Variants in ZNF28 observed in about 807,000 individuals in gnomAD.
ZNF28 encodes zinc finger protein KOX24.
In ZNF28, 5 loss-of-function variants were observed where a neutral mutation model predicts 7.2. The ratio of observed to expected loss-of-function variants is 0.70; its 90% CI spans 0.36 to 1.46. ZNF28 has a LOEUF of 1.46. Among genes scored for constraint, ZNF28 ranks in the 40% most tolerant of loss-of-function variants. ZNF28 has a pLI of 0.03. For synonymous variants in ZNF28, 288 were observed against 292.4 expected, an observed-to-expected ratio of 0.99 and a Z score of 0.15; for missense variants, 879 against 866.6, an observed-to-expected ratio of 1.01 and a Z score of -0.18.
At chr19:52,819,116 GAA>G (rs1451192649) in intron 1 of ZNF28, among the ~76,000 whole-genome samples, 1 of 139,496 alleles carries the variant, frequency 7.2e-6, no homozygotes, top group Non-Finnish European at 1.5e-5. Flanking sequence ...TTTGATGTTT[GAA>G]AAAAGAGAAA....
intron 2 of ZNF28, chr19:52,810,253 G>A: frequency 7.7e-7 from 1 of 1,298,884 alleles, no homozygotes; most frequent in Non-Finnish European, 1.1e-6. Context: ...CTACCTCCAG[G>A]CAATGCTGGC....
chr19:52,807,348 A>C (rs1448569837), intron 3 of ZNF28, among the ~76,000 whole-genome samples: 2 of 152,222 alleles, frequency 1.3e-5, no homozygotes, highest in Admixed American at 6.5e-5. Flanking sequence ...CCTCATTCTG[A>C]ATGCTTGGGG....
In ZNF28 at chr19:52,798,778, C is replaced by T; in HGVS notation, c.*910G>A. ...CACATTTATTACACTTGTAAGATCT[C>T]TCATTATGGATTCTCCAATGATTTG... On this transcript the variant is annotated 3_prime_UTR_variant, in exon 4 of 4. Coordinates refer to ENST00000457749, the MANE Select transcript of ZNF28 (RefSeq NM_006969.5). 1 of 694,636 alleles carries T rather than the reference C, an allele frequency of 1.4e-6. No homozygotes were observed. The highest frequency in any genetic ancestry group is 2.5e-6 in the Non-Finnish European group (1 of 407,468). The allele number at this position is 694,636 out of a possible 1,614,324, so 43.0% of individuals were successfully genotyped here. A position where few individuals can be genotyped will look rare whatever the true frequency, so the allele number is the denominator to read the frequency against.
rs2062816398 is a variant in ZNF28 at position 52,797,898 on chromosome 19, G to C, written c.*1790C>G. 6.6e-6 allele frequency: 1 copy of C among 152,062 alleles called. No homozygotes were observed. The highest frequency in any genetic ancestry group is 1.5e-5 in the Non-Finnish European group (1 of 67,992). 9.4% of individuals were successfully genotyped at this position (152,062 alleles called of 1,614,324 possible). A position where few individuals can be genotyped will look rare whatever the true frequency, so the allele number is the denominator to read the frequency against. On this transcript the variant is annotated 3_prime_UTR_variant, in exon 4 of 4. Transcript: ENST00000457749. ...AGCACTTCGGGAGGTAGAGGTGGGTGAATCATAAGATCAGAAAATCGAGAC... is the reference window on the plus strand; with the variant it reads ...AGCACTTCGGGAGGTAGAGGTGGGTCAATCATAAGATCAGAAAATCGAGAC...
At chr19:52,808,644 T>TAAAA (rs540657405) in intron 2 of ZNF28, among the ~76,000 whole-genome samples, 57 of 137,280 alleles carry the variant, frequency 4.2e-4, no homozygotes, top group African/African-American at 1.4e-3. Flanking sequence ...AAAAAAAAAT[T>TAAAA]AAAAAAAAAA....
rs776677562 is a variant in ZNF28 at position 52,800,722 on chromosome 19, T to TTGC, written c.1122_1123insGCA (p.Arg374_Arg375insAla). 3.6e-5 allele frequency: 58 copies of TTGC among 1,613,816 alleles called. No homozygotes were observed. In the Admixed American group the frequency reaches 7.7e-4, roughly 21 times the overall value. On this transcript the variant is annotated inframe_insertion, in exon 4 of 4. Transcript: ENST00000457749. The stretch of plus-strand genomic sequence containing the variant: ...TAAGGTTTCTCTCCAGTATGAAGCC[T>TTGC]ACGATGGCGTGCAAGGGTTGACAGT...
intron 3 of ZNF28, among the ~76,000 whole-genome samples, chr19:52,803,975 A>G (rs2062905589): frequency 6.6e-6 from 1 of 152,158 alleles, no homozygotes; most frequent in African/African-American, 2.4e-5. Flanking sequence ...AAAATAAGAT[A>G]AATAACTACT....
intron 2 of ZNF28, among the ~76,000 whole-genome samples, chr19:52,815,101 T>TTTA (rs1568659893): frequency 7.1e-6 from 1 of 139,898 alleles, no homozygotes; most frequent in East Asian, 2.0e-4. Flanking sequence ...ATATATATAT[T>TTTA]TATATATATA....
At chr19:52,818,868 A>G (rs2063160075) in intron 1 of ZNF28, among the ~76,000 whole-genome samples, 1 of 132,040 alleles carries the variant, frequency 7.6e-6, no homozygotes, top group East Asian at 2.1e-4. Context: ...TGGAGGACAG[A>G]ATGAGAGTCT....
intron 2 of ZNF28, among the ~76,000 whole-genome samples, chr19:52,811,465 G>A (rs1338614524): frequency 1.0e-4 from 15 of 148,324 alleles, no homozygotes; most frequent in South Asian, 8.6e-4. Flanking sequence ...CTTCCCCGCC[G>A]CCATCCCATC....
chr19:52,800,822 G>C lies in ZNF28; in HGVS notation c.1023C>G (p.Tyr341Ter), dbSNP rs1295384673. The C allele has an allele frequency of 4.3e-6, 7 of 1,613,824 alleles. No individual in the cohort carries two copies. Among genetic ancestry groups the C allele is most frequent in the Non-Finnish European group, 5.9e-6 (7 of 1,179,994 alleles). ...VCDKAFTCNS[Y>*]LAKHTIIHTG... ...TGTGAATTATAGTATGTTTTGCTAG[G>C]TATGAATTACATGTGAAAGCTTTGT... Residue 341 changes from tyrosine (Y) to a stop codon, truncating the protein, a stop_gained, in exon 4 of 4, where the codon TAC (tyrosine) becomes TAG (stop). Transcript: ENST00000457749. LOFTEE classifies it low-confidence loss of function (END_TRUNC).
Position 52,809,829 on chromosome 19 carries a change from G to GGCGGCA in ZNF28, c.16-1697_16-1696insTGCCGC, listed in dbSNP as rs1357434768. On this transcript the variant is annotated intron_variant, in intron 2 of 3. Transcript: ENST00000457749. ...GCCCAGTCTGAGCGGCGAAGGCGGC[G>GGCGGCA]GCGGCGGCGGTGGCGGTGGTGGCAG... 2.1e-3 allele frequency: 1,162 copies of GGCGGCA among 552,916 alleles called. 3 individuals are homozygous for GGCGGCA. The highest frequency in any genetic ancestry group is 2.5e-3 in the Non-Finnish European group (786 of 316,482). 34.3% of individuals were successfully genotyped at this position (552,916 alleles called of 1,614,324 possible). A position where few individuals can be genotyped will look rare whatever the true frequency, so the allele number is the denominator to read the frequency against.
At chr19:52,814,587 C>T (rs1256197308) in intron 2 of ZNF28, among the ~76,000 whole-genome samples, 1 of 140,796 alleles carries the variant, frequency 7.1e-6, no homozygotes, top group Non-Finnish European at 1.5e-5. Context: ...GAGACTTTGT[C>T]TCAAAAAGAA....
rs1165923178 is a variant in ZNF28, at chr19:52,808,049, T to C, written c.100A>G (p.Arg34Gly). The C allele has an allele frequency of 2.5e-6, 4 of 1,613,516 alleles. No individual in the cohort carries two copies. The highest frequency in any genetic ancestry group is 1.3e-5 in the African/African-American group (1 of 74,924). ...CTATAATTCTCCAGCATCACATCCCTGTAAAGAGTCCTCTGAGCAGGGTCC... is the reference window on the plus strand; with the variant it reads ...CTATAATTCTCCAGCATCACATCCCCGTAAAGAGTCCTCTGAGCAGGGTCC... ...CLDPAQRTLY[R>G]DVMLENYRNL... is the part of the protein sequence containing the mutation. The change falls in exon 3 of 4, where the codon AGG becomes GGG. Residue 34 changes from arginine to glycine, a missense_variant. Arg to Gly is a moderately radical substitution (Grantham distance 125). This residue lies in a region of ZNF28 where 864 missense variants were observed against 830.2 expected (regional missense o/e 1.04). Transcript: ENST00000457749.
chr19:52,809,982 G>A, intron 2 of ZNF28: 1 of 777,052 alleles, frequency 1.3e-6, no homozygotes, highest in Non-Finnish European at 2.3e-6. Flanking sequence ...CCTGGAGTCT[G>A]AGGAACTGGA....
chr19:52,819,907 T>C (rs1176628505), intron 1 of ZNF28, among the ~76,000 whole-genome samples: 1 of 142,462 alleles, frequency 7.0e-6, no homozygotes, highest in Non-Finnish European at 1.5e-5. Context: ...AACTAAGACA[T>C]AAGCAAATTA....
Position 52,808,046 on chromosome 19 carries a change from C to T in ZNF28, c.103G>A (p.Asp35Asn), listed in dbSNP as rs540736869. ...LDPAQRTLYR[D>N]VMLENYRNLV... ...TTCCTATAATTCTCCAGCATCACAT[C>T]CCTGTAAAGAGTCCTCTGAGCAGGG... is the stretch of plus-strand genomic sequence containing the variant. Residue 35 changes from aspartate to asparagine, a missense_variant, in exon 3 of 4, where the codon GAT becomes AAT. Asp to Asn is a conservative substitution (Grantham distance 23). Coordinates refer to ENST00000457749, the MANE Select transcript of ZNF28 (RefSeq NM_006969.5). 11 of 1,613,608 alleles carry T rather than the reference C, an allele frequency of 6.8e-6. No homozygotes were observed. In the South Asian group the frequency reaches 1.1e-4, roughly 16 times the overall value.
chr19:52,804,309 T>C (rs1345190471), intron 3 of ZNF28, among the ~76,000 whole-genome samples: 3 of 152,200 alleles, frequency 2.0e-5, no homozygotes, highest in Admixed American at 2.0e-4. Context: ...TTTTTGTTTG[T>C]TTTTGAGATG....
chr19:52,804,882 G>A (rs529938029), intron 3 of ZNF28, among the ~76,000 whole-genome samples: 5 of 152,154 alleles, frequency 3.3e-5, no homozygotes, highest in South Asian at 2.1e-4. Context: ...ATCACCAAAG[G>A]CTGACAAATC....
Sources: gnomAD v4.1 joint callset for allele counts (sites outside exome capture counted in the v4.1 genomes callset) on GRCh38, gnomAD v4.1.1 for gene constraint, gnomAD v4.1.1 regional missense constraint, MANE v1.5 for transcripts, NCBI Gene and HGNC (gene_info 2026-07-23, HGNC 2026-07-21) for gene names.